PSG6: variants seen among roughly 807,000 people sequenced by gnomAD.
PSG6 encodes the protein pregnancy specific beta-1-glycoprotein 6.
Under a neutral mutation model 43.3 loss-of-function variants are expected in PSG6, and 51 were observed. That is an observed-to-expected ratio of 1.18 (90% confidence interval 0.94 to 1.49). The LOEUF (loss-of-function observed/expected upper bound fraction) is 1.49. Ranked by LOEUF, PSG6 falls within the 40% of genes most tolerant of loss-of-function variation. The pLI, the probability that PSG6 is intolerant of heterozygous loss-of-function variation, is 0.00. For missense variants in PSG6, 770 were observed against 522.2 expected (o/e 1.47, Z -4.62); for synonymous variants, 292 against 197.6 (o/e 1.48, Z -4.01).
intron 1 of PSG6, among the ~76,000 whole-genome samples, chr19:42,917,317 G>T (rs1306851565): frequency 6.7e-6 from 1 of 149,940 alleles, no homozygotes; most frequent in Admixed American, 6.7e-5. Flanking sequence ...CCCTATCCAG[G>T]CTCCAACAGA....
Position 42,916,309 on chromosome 19 carries a change from T to C in PSG6, c.243A>G (p.Ser81=), listed in dbSNP as rs375720328. ...QMTDLYHYIT[S]YVVHGQIIYG... is the part of the protein sequence containing the mutation. Reference sequence around the variant, plus strand: ...ATATAATTTGACCGTGTACTACATATGATGTAATGTAATGGTAGAGGTCCG... The same window carrying C: ...ATATAATTTGACCGTGTACTACATACGATGTAATGTAATGGTAGAGGTCCG... The change falls in exon 2 of 6, where the codon TCA becomes TCG. Residue 81 remains serine, a synonymous_variant. Coordinates refer to ENST00000187910, the MANE Select transcript of PSG6 (RefSeq NM_001031850.4). The C allele has an allele frequency of 8.1e-6, 13 of 1,612,024 alleles. No homozygotes were observed. Among genetic ancestry groups the C allele is most frequent in the South Asian group, 1.1e-5 (1 of 90,630 alleles).
At chr19:42,914,179 C>T (rs902928975) in intron 2 of PSG6, among the ~76,000 whole-genome samples, 3 of 151,438 alleles carry the variant, frequency 2.0e-5, no homozygotes, top group African/African-American at 2.4e-5. Flanking sequence ...GATGGGAATA[C>T]AGTGGAAGGT....
chr19:42,913,971 G>T (rs1447862250), intron 2 of PSG6, among the ~76,000 whole-genome samples: 2 of 151,698 alleles, frequency 1.3e-5, no homozygotes, highest in Admixed American at 6.6e-5. Flanking sequence ...CCACCCTCCT[G>T]TTTGGCAGAC....
At chr19:42,906,409 A>C (rs1399307222) in intron 5 of PSG6, among the ~76,000 whole-genome samples, 2 of 151,522 alleles carry the variant, frequency 1.3e-5, no homozygotes, top group Admixed American at 6.6e-5. Context: ...GGAGTCAGGC[A>C]GGGCCAGGCC....
chr19:42,903,556 G>A lies in PSG6; in HGVS notation c.1241-1110C>T, dbSNP rs186290268. On this transcript the variant is annotated intron_variant, in intron 5 of 5. Transcript: ENST00000187910. ...AAATTGACAACCATTAACTAGATTGGCTAAGAAAAAAAGAGAAAAGATAAA... is the reference window on the plus strand; with the variant it reads ...AAATTGACAACCATTAACTAGATTGACTAAGAAAAAAAGAGAAAAGATAAA... 117 of 1,367,494 alleles carry A rather than the reference G, an allele frequency of 8.6e-5. 1 individual carries two copies. Among genetic ancestry groups the A allele is most frequent in the African/African-American group, 3.7e-4 (25 of 66,702 alleles). The allele number at this position is 1,367,494 out of a possible 1,614,324, so 84.7% of individuals were successfully genotyped here. A position where few individuals can be genotyped will look rare whatever the true frequency, so the allele number is the denominator to read the frequency against.
rs749744139 is a variant in PSG6 at position 42,902,181 on chromosome 19, G to A, written c.*231C>T. The A allele has an allele frequency of 2.3e-5, 12 of 511,504 alleles. No homozygotes were observed. The highest frequency in any genetic ancestry group is 1.6e-4 in the African/African-American group (8 of 51,556). 31.7% of individuals were successfully genotyped at this position (511,504 alleles called of 1,614,324 possible). On this transcript the variant is annotated 3_prime_UTR_variant, in exon 6 of 6. Transcript: ENST00000187910. ...ACTCAGATAGAGAGCAAAAGCAAATGTTTCAATTTTTGTTTACAAAAGTAT... is the reference window on the plus strand; with the variant it reads ...ACTCAGATAGAGAGCAAAAGCAAATATTTCAATTTTTGTTTACAAAAGTAT...
At chr19:42,912,701 T>A (rs1972250093) in intron 2 of PSG6, among the ~76,000 whole-genome samples, 1 of 151,780 alleles carries the variant, frequency 6.6e-6, no homozygotes, top group Admixed American at 6.6e-5. Flanking sequence ...CATTTTCTCT[T>A]AAGGTCAGGA....
At chr19:42,906,330 C>T (rs1972110981) in intron 5 of PSG6, among the ~76,000 whole-genome samples, 1 of 151,512 alleles carries the variant, frequency 6.6e-6, no homozygotes, top group African/African-American at 2.4e-5. Context: ...CAACTGGCAG[C>T]TCGATTTAGC....
chr19:42,914,731 C>T (rs1430003938), intron 2 of PSG6, among the ~76,000 whole-genome samples: 2 of 151,634 alleles, frequency 1.3e-5, no homozygotes, highest in Non-Finnish European at 2.9e-5. Context: ...TCATCCATTT[C>T]TTCATTCCAT....
chr19:42,916,535 G>A (rs1230213427), intron 1 of PSG6, 48 bp from the exon 2 acceptor site: 2 of 1,571,708 alleles, frequency 1.3e-6, no homozygotes, highest in Non-Finnish European at 8.6e-7. Context: ...TATGTATTGG[G>A]GTGAAAAGAT....
In PSG6 at chr19:42,910,733, T is replaced by G. The variant is rs765702374; in HGVS notation, c.553A>C (p.Asn185His). ...TGCAACCTGTGAGTCATAGGGAGGT[T>G]CTGACCATTCAGCAACCACAGGTAG... is the stretch of plus-strand genomic sequence containing the variant. ...ASYLWLLNGQ[N>H]LPMTHRLQLS... is the part of the protein sequence containing the mutation. Residue 185 changes from asparagine to histidine, a missense_variant, in exon 3 of 6, where the codon AAC becomes CAC. Asn to His is a moderately conservative substitution (Grantham distance 68). Coordinates refer to ENST00000187910, the MANE Select transcript of PSG6 (RefSeq NM_001031850.4). 7.8e-5 allele frequency: 126 copies of G among 1,612,224 alleles called. 3 individuals are homozygous for G. The highest frequency in any genetic ancestry group is 1.0e-4 in the Non-Finnish European group (123 of 1,179,264).
In PSG6 at chr19:42,905,835, T is replaced by G. The variant is rs192437409; in HGVS notation, c.1240+1087A>C. Among the ~76,000 whole-genome samples, 211 of 151,782 alleles carry G rather than the reference T, an allele frequency of 1.4e-3. 3 individuals are homozygous for G. The highest frequency in any genetic ancestry group is 4.7e-3 in the African/African-American group (195 of 41,398). ...GCCAGACACAAAAGGATAATTATTA[T>G]ATAATTCCATTTATAAAAGATAGTT... On this transcript the variant is annotated intron_variant, in intron 5 of 5. Transcript: ENST00000187910.
At position 42,916,125 on chromosome 19, in the gene PSG6, A is replaced by G. The variant is rs757492936; in HGVS notation, c.427T>C (p.Ser143Pro). 3.8e-5 allele frequency: 61 copies of G among 1,610,736 alleles called. 2 individuals are homozygous for G. The African/African-American group carries it at 5.6e-4, about 15-fold the overall frequency. ...CCAGGGATCATGCGGAATCACTCAC[A>G]GTATAAGGTGACAGTGAAATATCCA... ...VTGYFTVTLY[S>P]ETPKPSISSS... Residue 143 changes from serine to proline, a missense_variant and splice_region_variant, in exon 2 of 6, where the codon TCG (serine) becomes CCG (proline). Coordinates refer to ENST00000187910, the MANE Select transcript of PSG6 (RefSeq NM_001031850.4).
intron 5 of PSG6, 144 bp downstream of exon 5, chr19:42,906,778 T>A (rs2122622490): frequency 6.3e-7 from 1 of 1,591,164 alleles, no homozygotes; most frequent in East Asian, 2.2e-5. Context: ...AGAGATAAGT[T>A]GGGAGGGTTC....
intron 2 of PSG6, among the ~76,000 whole-genome samples, chr19:42,913,130 G>C (rs1972259580): frequency 6.6e-6 from 1 of 151,394 alleles, no homozygotes; most frequent in Non-Finnish European, 1.5e-5. Flanking sequence ...CTATCAGTAA[G>C]CATCAAAAGC....
chr19:42,911,642 T>C (rs1334867972), intron 2 of PSG6, among the ~76,000 whole-genome samples: 1 of 151,760 alleles, frequency 6.6e-6, no homozygotes, highest in Non-Finnish European at 1.5e-5. Context: ...TATGGATCTT[T>C]CTAGAAATAC....
intron 3 of PSG6, among the ~76,000 whole-genome samples, chr19:42,909,355 C>CA (rs1450178661): frequency 4.0e-5 from 6 of 151,492 alleles, no homozygotes; most frequent in Non-Finnish European, 5.9e-5. Flanking sequence ...TCCACCTTTT[C>CA]TGGTTGCTTC....
intron 2 of PSG6, among the ~76,000 whole-genome samples, chr19:42,912,969 A>G (rs1972255496): frequency 6.6e-6 from 1 of 151,700 alleles, no homozygotes; most frequent in Admixed American, 6.6e-5. Flanking sequence ...AAATTTAAAA[A>G]TTGCTATTGT....
chr19:42,907,411 G>A (rs1208443438), intron 4 of PSG6, among the ~76,000 whole-genome samples, 165 bp downstream of exon 4: 1 of 151,882 alleles, frequency 6.6e-6, no homozygotes, highest in South Asian at 2.1e-4. Flanking sequence ...TCTTGGTTAA[G>A]GCTGTGCCTA....
Sources: allele counts gnomAD v4.1 joint callset (sites outside exome capture counted in the v4.1 genomes callset), GRCh38; gene constraint gnomAD v4.1.1; transcripts MANE v1.5; gene names NCBI Gene and HGNC (gene_info 2026-07-23, HGNC 2026-07-21).